The following RNF152 variants were observed in gnomAD, a reference collection of about 807,000 sequenced individuals.
RNF152 encodes the protein ring finger protein 152, also known as E3 ubiquitin-protein ligase RNF152.
A neutral mutation model predicts 12.7 loss-of-function variants in RNF152; 11 were observed. The ratio of observed to expected loss-of-function variants is 0.86; its 90% CI spans 0.54 to 1.43. The LOEUF is 1.43. Ranked by LOEUF, RNF152 falls within the 40% of genes most tolerant of loss-of-function variation. RNF152 has a pLI of 0.00. For synonymous variants in RNF152, 113 were observed against 120.3 expected, an observed-to-expected ratio of 0.94 and a Z score of 0.40; for missense variants, 255 against 274.8, an observed-to-expected ratio of 0.93 and a Z score of 0.51.
chr18:61,874,574 G>T (rs1258317469), intron 1 of RNF152, among the ~76,000 whole-genome samples: 2 of 152,326 alleles, frequency 1.3e-5, no homozygotes, highest in African/African-American at 4.8e-5. Flanking sequence ...CCTTTTTAGG[G>T]TTTGCTGAAG....
At chr18:61,862,716 AG>A (rs1911545463) in intron 1 of RNF152, among the ~76,000 whole-genome samples, 1 of 152,192 alleles carries the variant, frequency 6.6e-6, no homozygotes, top group Non-Finnish European at 1.5e-5. Context: ...ACAATAAACC[AG>A]TAAACATAAG....
chr18:61,853,726 C>A (rs1469883100), intron 1 of RNF152, among the ~76,000 whole-genome samples: 1 of 152,130 alleles, frequency 6.6e-6, no homozygotes. Flanking sequence ...TCATAAAAAC[C>A]CCTGTGATTA....
Position 61,815,914 on chromosome 18 carries a change from C to T in RNF152, c.550G>A (p.Gly184Ser). 2 of 1,614,186 alleles carry T rather than the reference C, an allele frequency of 1.2e-6. No homozygotes were observed. Among genetic ancestry groups the T allele is most frequent in the Non-Finnish European group, 1.7e-6 (2 of 1,180,036 alleles). Reference sequence around the variant, plus strand: ...CAAGACATGTTGTGAAGCACGATGCCGAGGAGGAAGACCAAGACGCAAGCC... The same window carrying T: ...CAAGACATGTTGTGAAGCACGATGCTGAGGAGGAAGACCAAGACGCAAGCC... Reference protein sequence around the residue: ...LVACVLVFLLGIVLHNMSCIS... With the variant: ...LVACVLVFLLSIVLHNMSCIS... Residue 184 changes from glycine to serine, a missense_variant, in exon 2 of 2, where the codon GGC becomes AGC. Coordinates refer to ENST00000312828, the MANE Select transcript of RNF152 (RefSeq NM_173557.3).
chr18:61,816,148 TGGGCAG>T lies in RNF152; in HGVS notation c.310_315del (p.Leu104_Pro105del). 6.2e-7 allele frequency: 1 copy of T among 1,614,144 alleles called. No individual in the cohort carries two copies. The highest frequency in any genetic ancestry group is 1.6e-4 in the Middle Eastern group (1 of 6,062). ...GGCAGCAGCGCACGCTCCTTGGAGA[TGGGCAG>T]GGGCAGCATGTAGCACCCATTGCTG... On this transcript the variant is annotated inframe_deletion, in exon 2 of 2. Coordinates refer to ENST00000312828, the MANE Select transcript of RNF152 (RefSeq NM_173557.3).
At position 61,811,059 on chromosome 18, in the gene RNF152, A is replaced by T. The variant is rs1434274932; in HGVS notation, c.*4793T>A. On this transcript the variant is annotated 3_prime_UTR_variant, in exon 2 of 2. Transcript: ENST00000312828. ...ATTAGTATCTTGGCAAAAAAAAAAA[A>T]ATTAAATGATTTTTAAAGGCAAGCT... 3 of 152,154 alleles carry T rather than the reference A, an allele frequency of 2.0e-5. No individual in the cohort carries two copies. The highest frequency in any genetic ancestry group is 4.8e-5 in the African/African-American group (2 of 41,436). The allele number at this position is 152,154 out of a possible 1,614,324, so 9.4% of individuals were successfully genotyped here. A position where few individuals can be genotyped will look rare whatever the true frequency, so the allele number is the denominator to read the frequency against.
intron 1 of RNF152, among the ~76,000 whole-genome samples, chr18:61,820,591 G>T (rs1467021888): frequency 6.6e-6 from 1 of 151,880 alleles, no homozygotes; most frequent in Non-Finnish European, 1.5e-5. Flanking sequence ...TAAAATTGAG[G>T]CAGGGTACAA....
At position 61,860,034 on chromosome 18, in the gene RNF152, A is replaced by C. The variant is rs141649338; in HGVS notation, c.-136+32761T>G. Among the ~76,000 whole-genome samples the C allele has an allele frequency of 7.1e-3, 1,084 of 152,232 alleles. 10 individuals carry two copies. Among genetic ancestry groups the C allele is most frequent in the Non-Finnish European group, 0.01 (691 of 68,030 alleles). ...TAATCCAACATGACTAGTGTCCTTT[A>C]ATACAGAAAAGACTCAGAAAAGACT... On this transcript the variant is annotated intron_variant, in intron 1 of 1. Transcript: ENST00000312828.
At chr18:61,825,476 G>C (rs1455240773) in intron 1 of RNF152, among the ~76,000 whole-genome samples, 1 of 152,206 alleles carries the variant, frequency 6.6e-6, no homozygotes, top group Non-Finnish European at 1.5e-5. Flanking sequence ...AGAAAACTCA[G>C]GGGAAGGACA....
chr18:61,876,723 G>C (rs893869861), intron 1 of RNF152, among the ~76,000 whole-genome samples: 5 of 152,150 alleles, frequency 3.3e-5, no homozygotes, highest in African/African-American at 4.8e-5. Flanking sequence ...CCATATAATA[G>C]AGACATTAAT....
intron 1 of RNF152, among the ~76,000 whole-genome samples, chr18:61,891,960 T>C (rs981454237): frequency 6.6e-6 from 1 of 152,192 alleles, no homozygotes; most frequent in Admixed American, 6.5e-5. Flanking sequence ...TAGTGTAGGA[T>C]GCGCAGGACT....
At chr18:61,870,426 T>C (rs1188282227) in intron 1 of RNF152, among the ~76,000 whole-genome samples, 1 of 152,182 alleles carries the variant, frequency 6.6e-6, no homozygotes, top group East Asian at 1.9e-4. Context: ...GCTCCAGTTT[T>C]TTTCCACCCC....
At chr18:61,859,708 A>G (rs1333874279) in intron 1 of RNF152, among the ~76,000 whole-genome samples, 3 of 152,108 alleles carry the variant, frequency 2.0e-5, no homozygotes, top group East Asian at 3.9e-4. Flanking sequence ...GCGAAATCCC[A>G]TCTCTACTAA....
chr18:61,858,149 G>A (rs1911309487), intron 1 of RNF152, among the ~76,000 whole-genome samples: 1 of 152,164 alleles, frequency 6.6e-6, no homozygotes, highest in Non-Finnish European at 1.5e-5. Flanking sequence ...AGACATTTAG[G>A]TAGTTTGGTA....
At chr18:61,842,027 A>G (rs1910478133) in intron 1 of RNF152, among the ~76,000 whole-genome samples, 1 of 152,232 alleles carries the variant, frequency 6.6e-6, no homozygotes, top group Non-Finnish European at 1.5e-5. Context: ...CCCCAGGGCT[A>G]TACTAAAAGG....
intron 1 of RNF152, among the ~76,000 whole-genome samples, chr18:61,840,784 C>A (rs913540198): frequency 1.3e-5 from 2 of 152,210 alleles, no homozygotes; most frequent in Non-Finnish European, 2.9e-5. Flanking sequence ...CTACATTAAT[C>A]TCTAATGGAT....
Position 61,879,965 on chromosome 18 carries a change from C to CA in RNF152, c.-136+12829dup, listed in dbSNP as rs11341958. On this transcript the variant is annotated intron_variant, in intron 1 of 1. Transcript: ENST00000312828. Reference sequence around the variant, plus strand: ...GGGCAACAAGAGCGAAACTCCATCTCAAAAAAAAAAAAAAAATTTTTTTTG... The same window carrying CA: ...GGGCAACAAGAGCGAAACTCCATCTCAAAAAAAAAAAAAAAAATTTTTTTTG... Among the ~76,000 whole-genome samples the CA allele has an allele frequency of 3.2e-3, 448 of 140,188 alleles. 2 individuals carry two copies. The highest frequency in any genetic ancestry group is 9.4e-3 in the African/African-American group (351 of 37,224). The allele number at this position is 140,188 out of a possible 152,430, so 92.0% of individuals were successfully genotyped here.
chr18:61,850,625 T>C (rs1910928711), intron 1 of RNF152, among the ~76,000 whole-genome samples: 1 of 152,188 alleles, frequency 6.6e-6, no homozygotes, highest in Admixed American at 6.5e-5. Flanking sequence ...TAAGGGAATC[T>C]TGGAAAAAGG....
chr18:61,881,507 G>C (rs1912461255), intron 1 of RNF152, among the ~76,000 whole-genome samples: 1 of 152,164 alleles, frequency 6.6e-6, no homozygotes, highest in Non-Finnish European at 1.5e-5. Context: ...TTCTGTCTCA[G>C]TAAAATCACA....
chr18:61,873,579 C>T (rs1421459312), intron 1 of RNF152, among the ~76,000 whole-genome samples: 1 of 152,186 alleles, frequency 6.6e-6, no homozygotes, highest in East Asian at 1.9e-4. Flanking sequence ...AGGTGATCCA[C>T]CCACCTCAGC....
Sources: allele counts gnomAD v4.1 joint callset (sites outside exome capture counted in the v4.1 genomes callset), GRCh38; gene constraint gnomAD v4.1.1; transcripts MANE v1.5; gene names NCBI Gene and HGNC (gene_info 2026-07-23, HGNC 2026-07-21).